CPEB2: variants seen among roughly 807,000 people sequenced by gnomAD.
CPEB2 encodes the protein cytoplasmic polyadenylation element-binding protein 2.
CPEB2 carries 56 observed loss-of-function variants against 93.6 expected under a neutral mutation model. The observed-to-expected ratio is 0.60, with a 90% confidence interval of 0.48 to 0.75. The LOEUF is 0.75. Among genes scored for constraint, CPEB2 ranks in the 30% least tolerant of loss-of-function variants. CPEB2 has a pLI of 0.00. For synonymous variants in CPEB2, 764 were observed against 586.3 expected (o/e 1.30, Z -4.38); for missense variants, 1,579 against 1,395.1 (o/e 1.13, Z -2.10).
At position 15,003,986 on chromosome 4, in the gene CPEB2, T is replaced by A. The variant is rs1722412053; in HGVS notation, c.1313T>A (p.Met438Lys). 2 of 1,477,602 alleles carry A rather than the reference T, an allele frequency of 1.4e-6. No homozygotes were observed. The highest frequency in any genetic ancestry group is 1.3e-5 in the South Asian group (1 of 75,198). 91.5% of individuals were successfully genotyped at this position (1,477,602 alleles called of 1,614,324 possible). ...GGCAGCGGCGGCTCGCTCAGCGCCA[T>A]GCCGCCGCCCAGCCCCGACTCAGAG... ...GGGSGGSLSA[M>K]PPPSPDSENG... is the part of the protein sequence containing the mutation. The change falls in exon 1 of 12, where the codon ATG (methionine) becomes AAG (lysine). Residue 438 changes from methionine (M) to lysine (K), a missense_variant. Coordinates refer to ENST00000538197, the MANE Select transcript of CPEB2 (RefSeq NM_001177382.2).
chr4:15,026,175 T>A (rs1725438853), intron 4 of CPEB2, among the ~76,000 whole-genome samples: 1 of 152,082 alleles, frequency 6.6e-6, no homozygotes, highest in Non-Finnish European at 1.5e-5. Context: ...AGAATCAAGT[T>A]TCTTTTTAAT....
chr4:15,062,210 G>A lies in CPEB2; in HGVS notation c.2827G>A (p.Ala943Thr). 1.2e-6 allele frequency: 2 copies of A among 1,612,636 alleles called. No individual in the cohort carries two copies. Among genetic ancestry groups the A allele is most frequent in the East Asian group, 2.2e-5 (1 of 44,834 alleles). The change falls in exon 11 of 12, where the codon GCC becomes ACC. Residue 943 changes from alanine to threonine, a missense_variant. By Grantham distance (58) the Ala-to-Thr change is moderately conservative (BLOSUM62 0). This residue lies in a region of CPEB2 where 168 missense variants were observed against 339.1 expected (regional missense o/e 0.50). Coordinates refer to ENST00000538197, the MANE Select transcript of CPEB2 (RefSeq NM_001177382.2). ...CTCCAATCAGCAGAGCTATATTGCT[G>A]CCATTAGTGCTCGGTTTGTTCAGCT... is the stretch of plus-strand genomic sequence containing the variant. ...AFSNQQSYIA[A>T]ISARFVQLQH...
chr4:15,024,405 A>G (rs1221968563), intron 4 of CPEB2, among the ~76,000 whole-genome samples: 1 of 152,170 alleles, frequency 6.6e-6, no homozygotes, highest in Non-Finnish European at 1.5e-5. Flanking sequence ...ATGGAATTAT[A>G]TATTAGCAAT....
In CPEB2 at chr4:15,003,863, C is replaced by T; in HGVS notation, c.1190C>T (p.Pro397Leu). 1 of 844,984 alleles carries T rather than the reference C, an allele frequency of 1.2e-6. No homozygotes were observed. Among genetic ancestry groups the T allele is most frequent in the Non-Finnish European group, 1.6e-6 (1 of 640,358 alleles). The allele number at this position is 844,984 out of a possible 1,614,324, so 52.3% of individuals were successfully genotyped here. A position where few individuals can be genotyped will look rare whatever the true frequency, so the allele number is the denominator to read the frequency against. Residue 397 changes from proline (P) to leucine (L), a missense_variant, in exon 1 of 12, where the codon CCG (proline) becomes CTG (leucine). Physicochemically the swap from Pro to Leu is moderately conservative, Grantham distance 98 (BLOSUM62 -3). Around this residue, in one of 2 missense-constraint regions of CPEB2, gnomAD observed 1,411 missense variants for 1,056.0 expected, o/e 1.34. Transcript: ENST00000538197. ...TASPPPQPQQPPPTQPQQQPP... is the reference protein window; with the variant it reads ...TASPPPQPQQLPPTQPQQQPP... Reference sequence around the variant, plus strand: ...TCGCCGCCACCCCAGCCCCAGCAGCCGCCGCCGACCCAGCCGCAGCAGCAG... The same window carrying T: ...TCGCCGCCACCCCAGCCCCAGCAGCTGCCGCCGACCCAGCCGCAGCAGCAG...
At chr4:15,011,864 C>G (rs1723530050) in intron 3 of CPEB2, among the ~76,000 whole-genome samples, 1 of 152,106 alleles carries the variant, frequency 6.6e-6, no homozygotes, top group South Asian at 2.1e-4. Context: ...ATCAATATAT[C>G]AACTCTCAAT....
At chr4:15,053,163 C>T (rs1029614606) in intron 7 of CPEB2, among the ~76,000 whole-genome samples, 1 of 151,882 alleles carries the variant, frequency 6.6e-6, no homozygotes, top group African/African-American at 2.4e-5. Context: ...ACTACAGGCG[C>T]CCGCCACCAT....
In CPEB2 at chr4:15,032,273, T is replaced by C. The variant is rs566089806; in HGVS notation, c.2126-888T>C. Among the ~76,000 whole-genome samples the C allele has an allele frequency of 3.3e-5, 5 of 152,116 alleles. No homozygotes were observed. In the East Asian group the frequency reaches 9.7e-4, roughly 29 times the overall value. ...CCACCATGCCCAGCCTCTAAATGGG[T>C]TTTAATGTACTATTCTAATAGTCTA... is the stretch of plus-strand genomic sequence containing the variant. On this transcript the variant is annotated intron_variant, in intron 4 of 11. Transcript: ENST00000538197.
At chr4:15,033,067 T>A in intron 4 of CPEB2, 94 bp from the exon 5 acceptor site, 1 of 811,406 alleles carries the variant, frequency 1.2e-6, no homozygotes, top group Non-Finnish European at 2.0e-6. Context: ...TAATTTTCTC[T>A]TTATGCTGCC....
intron 11 of CPEB2, among the ~76,000 whole-genome samples, chr4:15,064,924 G>T (rs1729560280): frequency 6.6e-6 from 1 of 152,028 alleles, no homozygotes; most frequent in South Asian, 2.1e-4. Flanking sequence ...ACTGACAAAA[G>T]AGAACTCATA....
chr4:15,003,832 A>G lies in CPEB2; in HGVS notation c.1159A>G (p.Thr387Ala). Residue 387 changes from threonine to alanine, a missense_variant, in exon 1 of 12, where the codon ACC becomes GCC. Transcript: ENST00000538197. The stretch of plus-strand genomic sequence containing the variant: ...CTTCGGCACCCCCTGGTCGGTGCAG[A>G]CCGCGTCGCCGCCACCCCAGCCCCA... The part of the protein sequence containing the change: ...PGFGTPWSVQ[T>A]ASPPPQPQQP... The G allele has an allele frequency of 2.2e-6, 2 of 909,252 alleles. No individual in the cohort carries two copies. The highest frequency in any genetic ancestry group is 2.9e-6 in the Non-Finnish European group (2 of 696,114). 56.3% of individuals were successfully genotyped at this position (909,252 alleles called of 1,614,324 possible).
chr4:15,013,372 T>C (rs4698092), intron 3 of CPEB2, among the ~76,000 whole-genome samples: 15,068 of 152,062 alleles, frequency 0.099, 1,547 homozygotes, highest in African/African-American at 0.25. Flanking sequence ...CTTATATTTC[T>C]GAAGTATTTT....
chr4:15,062,010 A>AAAAGT, intron 10 of CPEB2, 69 bp from the exon 11 acceptor site: 1 of 1,386,410 alleles, frequency 7.2e-7, no homozygotes, highest in East Asian at 2.3e-5. Flanking sequence ...ACGTTTTACA[A>AAAAGT]AAAGTACTTA....
At position 15,006,367 on chromosome 4, in the gene CPEB2, G is replaced by A. The variant is rs1722814319; in HGVS notation, c.1663-938G>A. 3 of 150,764 alleles carry A rather than the reference G, an allele frequency of 2.0e-5. No homozygotes were observed. The South Asian group carries it at 6.3e-4, about 31-fold the overall frequency. 9.3% of individuals were successfully genotyped at this position (150,764 alleles called of 1,614,324 possible). A position where few individuals can be genotyped will look rare whatever the true frequency, so the allele number is the denominator to read the frequency against. ...TCTTTAGCTACATCTTAACACCAAA[G>A]TATTAAAGTATAAACTTACTGACAG... On this transcript the variant is annotated intron_variant, in intron 1 of 11. Transcript: ENST00000538197.
At chr4:15,017,850 C>A (rs1390942491) in intron 4 of CPEB2, 1 of 151,716 alleles carries the variant, frequency 6.6e-6, no homozygotes, top group Non-Finnish European at 1.5e-5. Flanking sequence ...GAAGAAATTT[C>A]ATTAGCATAC....
chr4:15,007,165 T>TA (rs1560212514), intron 1 of CPEB2, 140 bp from the exon 2 acceptor site: 4 of 643,334 alleles, frequency 6.2e-6, no homozygotes, highest in Non-Finnish European at 7.1e-6. Flanking sequence ...TCAAGACTGT[T>TA]ACTTTTATAA....
chr4:15,045,229 C>A (rs1284803290), intron 6 of CPEB2, among the ~76,000 whole-genome samples: 1 of 152,104 alleles, frequency 6.6e-6, no homozygotes, highest in Non-Finnish European at 1.5e-5. Context: ...GAATCTCACT[C>A]CAGCCTGGGT....
At chr4:15,039,902 A>T (rs559146563) in intron 5 of CPEB2, among the ~76,000 whole-genome samples, 5 of 152,248 alleles carry the variant, frequency 3.3e-5, no homozygotes, top group African/African-American at 4.8e-5. Flanking sequence ...TTTAACATTG[A>T]TTTCTTAAAT....
Position 15,003,810 on chromosome 4 carries a change from C to T in CPEB2, c.1137C>T (p.Phe379=), listed in dbSNP as rs1224564899. 3 of 1,004,708 alleles carry T rather than the reference C, an allele frequency of 3.0e-6. No homozygotes were observed. Among genetic ancestry groups the T allele is most frequent in the Non-Finnish European group, 3.8e-6 (3 of 793,086 alleles). The allele number at this position is 1,004,708 out of a possible 1,614,324, so 62.2% of individuals were successfully genotyped here. A position where few individuals can be genotyped will look rare whatever the true frequency, so the allele number is the denominator to read the frequency against. Residue 379 remains phenylalanine, a synonymous_variant, in exon 1 of 12, where the codon TTC becomes TTT. Transcript: ENST00000538197. ...GSASPPPLPG[F]GTPWSVQTAS... is the part of the protein sequence containing the mutation. ...CGTCGCCGCCGCCGCTGCCCGGCTTCGGCACCCCCTGGTCGGTGCAGACCG... is the reference window on the plus strand; with the variant it reads ...CGTCGCCGCCGCCGCTGCCCGGCTTTGGCACCCCCTGGTCGGTGCAGACCG...
At chr4:15,022,097 C>T (rs996189794) in intron 4 of CPEB2, among the ~76,000 whole-genome samples, 2 of 152,130 alleles carry the variant, frequency 1.3e-5, no homozygotes, top group Non-Finnish European at 2.9e-5. Context: ...TCGAGCCAGA[C>T]AGAGGTTCTC....
Sources: allele counts gnomAD v4.1 joint callset (sites outside exome capture counted in the v4.1 genomes callset), GRCh38; gene constraint gnomAD v4.1.1; regional missense constraint gnomAD v4.1.1; transcripts MANE v1.5; gene names NCBI Gene and HGNC (gene_info 2026-07-23, HGNC 2026-07-21).